The following THSD7B variants were observed in gnomAD, a reference collection of about 807,000 sequenced individuals.
The protein encoded by THSD7B is thrombospondin type 1 domain containing 7B, also known as thrombospondin type-1 domain-containing protein 7B.
THSD7B carries 138 observed loss-of-function variants against 213.6 expected under a neutral mutation model. The observed-to-expected ratio is 0.65, with a 90% confidence interval of 0.56 to 0.74. The LOEUF (loss-of-function observed/expected upper bound fraction) is 0.74. Ranked by LOEUF, THSD7B falls within the 30% of genes least tolerant of loss-of-function variation. The probability of loss-of-function intolerance (pLI) is 0.00; values close to 1 mark genes in which losing one functional copy is unlikely to be tolerated. For missense variants in THSD7B, 1,931 were observed against 1,991.5 expected (o/e 0.97, Z 0.58); for synonymous variants, 742 against 687.0 (o/e 1.08, Z -1.25).
intron 3 of THSD7B, among the ~76,000 whole-genome samples, chr2:137,071,197 T>G (rs986860407): frequency 9.9e-5 from 15 of 152,198 alleles, no homozygotes; most frequent in Admixed American, 6.5e-5. Flanking sequence ...AAAGTATTCC[T>G]GTTTCTCCAC....
chr2:137,522,177 A>T (rs1036246904), intron 15 of THSD7B, among the ~76,000 whole-genome samples: 25 of 152,200 alleles, frequency 1.6e-4, no homozygotes, highest in Admixed American at 1.6e-3. Context: ...AGTGCTCTAT[A>T]GTGAACCCTT....
At chr2:137,499,032 A>G (rs139067998) in intron 15 of THSD7B, among the ~76,000 whole-genome samples, 3 of 152,284 alleles carry the variant, frequency 2.0e-5, no homozygotes, top group African/African-American at 7.2e-5. Context: ...CGTAATGGTG[A>G]TGGAGAGCCT....
chr2:137,232,094 TAACAA>T (rs1487836594), intron 8 of THSD7B, among the ~76,000 whole-genome samples: 1 of 152,074 alleles, frequency 6.6e-6, no homozygotes, highest in Non-Finnish European at 1.5e-5. Flanking sequence ...AAATCAAGAA[TAACAA>T]AACCAAGGTC....
chr2:137,534,448 T>C (rs1455431750), intron 15 of THSD7B, among the ~76,000 whole-genome samples: 1 of 151,760 alleles, frequency 6.6e-6, no homozygotes, highest in African/African-American at 2.4e-5. Flanking sequence ...ATTTTTTCTC[T>C]GAGGAGACAG....
chr2:136,901,691 C>T (rs1684066414), intron 2 of THSD7B, among the ~76,000 whole-genome samples: 1 of 152,088 alleles, frequency 6.6e-6, no homozygotes, highest in Non-Finnish European at 1.5e-5. Context: ...GGAGAAATTC[C>T]CCCCAGGGAG....
intron 2 of THSD7B, among the ~76,000 whole-genome samples, chr2:137,028,706 G>A (rs1273581072): frequency 6.6e-6 from 1 of 152,206 alleles, no homozygotes; most frequent in African/African-American, 2.4e-5. Flanking sequence ...AGCCCAGCAT[G>A]CTGTGGACGC....
intron 2 of THSD7B, among the ~76,000 whole-genome samples, chr2:136,886,507 G>C (rs1182357307): frequency 6.6e-6 from 1 of 152,152 alleles, no homozygotes; most frequent in Admixed American, 6.5e-5. Flanking sequence ...CCGTGCTGGG[G>C]ACATTTGGCA....
chr2:137,300,683 G>A (rs1683577348), intron 12 of THSD7B, among the ~76,000 whole-genome samples: 1 of 152,164 alleles, frequency 6.6e-6, no homozygotes, highest in Admixed American at 6.5e-5. Flanking sequence ...TGGCATTGCT[G>A]TAGAGGAAGG....
chr2:137,123,645 T>A (rs1211492659), intron 5 of THSD7B, among the ~76,000 whole-genome samples: 1 of 152,194 alleles, frequency 6.6e-6, no homozygotes, highest in Non-Finnish European at 1.5e-5. Context: ...TGAATGCATG[T>A]TGAAAGGAAG....
chr2:137,017,125 A>AT (rs1365494639), intron 2 of THSD7B, among the ~76,000 whole-genome samples: 1 of 152,124 alleles, frequency 6.6e-6, no homozygotes, highest in Non-Finnish European at 1.5e-5. Context: ...GTTGCAAACT[A>AT]TTTTTTTATT....
At chr2:137,601,864 C>T (rs1682081148) in intron 17 of THSD7B, among the ~76,000 whole-genome samples, 1 of 152,220 alleles carries the variant, frequency 6.6e-6, no homozygotes, top group Non-Finnish European at 1.5e-5. Flanking sequence ...AACTGAGCCT[C>T]ATTCAGGAGC....
chr2:137,521,247 C>T (rs746106370), intron 15 of THSD7B, among the ~76,000 whole-genome samples: 2 of 152,194 alleles, frequency 1.3e-5, no homozygotes, highest in Non-Finnish European at 2.9e-5. Flanking sequence ...TATCTCAATT[C>T]GTTTTCACAG....
At chr2:137,496,227 T>C (rs1253312995) in intron 15 of THSD7B, among the ~76,000 whole-genome samples, 1 of 152,174 alleles carries the variant, frequency 6.6e-6, no homozygotes, top group Non-Finnish European at 1.5e-5. Context: ...TTGCAAGCGA[T>C]GAGTAGATTC....
At chr2:137,055,787 C>T (rs1687151654) in intron 2 of THSD7B, among the ~76,000 whole-genome samples, 1 of 152,166 alleles carries the variant, frequency 6.6e-6, no homozygotes, top group African/African-American at 2.4e-5. Context: ...CTTACCTTTC[C>T]CCTGCACCCC....
chr2:137,404,474 T>TATACACACACACACACAC (rs1306580538), intron 12 of THSD7B, among the ~76,000 whole-genome samples: 1 of 40,262 alleles, frequency 2.5e-5, no homozygotes, highest in African/African-American at 1.3e-4. Context: ...TATATATATA[T>TATACACACACACACACAC]ACACACACAC....
intron 15 of THSD7B, among the ~76,000 whole-genome samples, chr2:137,554,408 C>A (rs989123383): frequency 5.9e-5 from 9 of 152,182 alleles, no homozygotes; most frequent in African/African-American, 2.2e-4. Context: ...TCAAGTGTAA[C>A]TTTGGTTATG....
intron 2 of THSD7B, among the ~76,000 whole-genome samples, chr2:136,884,182 A>T (rs1034055575): frequency 4.6e-5 from 7 of 152,200 alleles, no homozygotes; most frequent in African/African-American, 1.7e-4. Context: ...GAAACAGCAC[A>T]TGCGAAGTCG....
chr2:137,336,486 G>A (rs1163593838), intron 12 of THSD7B, among the ~76,000 whole-genome samples: 2 of 152,072 alleles, frequency 1.3e-5, no homozygotes, highest in Admixed American at 1.3e-4. Context: ...TTACAGAGAT[G>A]GTGTTAAAGA....
chr2:137,230,196 A>T (rs1013414460), intron 7 of THSD7B, among the ~76,000 whole-genome samples: 2 of 152,216 alleles, frequency 1.3e-5, no homozygotes, highest in African/African-American at 2.4e-5. Flanking sequence ...GTCATTTGAA[A>T]TATTTTTCCA....
Sources: allele counts gnomAD v4.1 joint callset (sites outside exome capture counted in the v4.1 genomes callset), GRCh38; gene constraint gnomAD v4.1.1; transcripts MANE v1.5; gene names NCBI Gene and HGNC (gene_info 2026-07-23, HGNC 2026-07-21).